Variants in LARGE1 observed in about 807,000 individuals in gnomAD.
LARGE1 encodes the protein xylosyl- and glucuronyltransferase LARGE1.
A neutral mutation model predicts 87.6 loss-of-function variants in LARGE1; 43 were observed. The observed-to-expected ratio is 0.49, with a 90% CI of 0.38 to 0.63. LARGE1 has a LOEUF of 0.63. Ranked by LOEUF, LARGE1 falls within the 30% of genes least tolerant of loss-of-function variation. The pLI is 0.00. For missense variants in LARGE1, 802 were observed against 1,000.2 expected, an observed-to-expected ratio of 0.80 and a Z score of 2.67; for synonymous variants, 434 against 394.6, an observed-to-expected ratio of 1.10 and a Z score of -1.18.
chr22:33,172,897 A>G (rs1035073276), intron 11 of LARGE1, among the ~76,000 whole-genome samples: 14 of 152,238 alleles, frequency 9.2e-5, no homozygotes, highest in African/African-American at 3.1e-4. Flanking sequence ...TGTGCCTGAA[A>G]GTGACAGGGA....
intron 2 of LARGE1, among the ~76,000 whole-genome samples, chr22:33,731,175 T>C (rs1480557589): frequency 1.3e-5 from 2 of 151,766 alleles, no homozygotes; most frequent in Non-Finnish European, 2.9e-5. Flanking sequence ...GGCTAATTTT[T>C]TGTATTTTCA....
intron 1 of LARGE1, among the ~76,000 whole-genome samples, chr22:33,876,979 C>A (rs539209467): frequency 1.3e-5 from 2 of 152,046 alleles, no homozygotes; most frequent in Non-Finnish European, 2.9e-5. Context: ...GCCCCCTTCA[C>A]CCAGGGCTGT....
intron 6 of LARGE1, among the ~76,000 whole-genome samples, chr22:33,553,460 G>A (rs2077587474): frequency 1.7e-5 from 2 of 119,076 alleles, no homozygotes; most frequent in African/African-American, 5.7e-5. Flanking sequence ...AGGTGGCAAT[G>A]AGCTATGATC....
chr22:33,886,705 G>C (rs979970680), intron 1 of LARGE1, among the ~76,000 whole-genome samples: 1 of 149,230 alleles, frequency 6.7e-6, no homozygotes, highest in African/African-American at 2.5e-5. Flanking sequence ...GAGGGAAGGA[G>C]GGAGGGAGGG....
At chr22:33,191,299 C>T (rs1923764040) in intron 11 of LARGE1, among the ~76,000 whole-genome samples, 1 of 152,164 alleles carries the variant, frequency 6.6e-6, no homozygotes, top group South Asian at 2.1e-4. Flanking sequence ...ATTTAAACAG[C>T]AGTTCCTAAA....
intron 1 of LARGE1, among the ~76,000 whole-genome samples, chr22:33,860,039 T>G (rs2063867701): frequency 6.6e-6 from 1 of 152,192 alleles, no homozygotes. Context: ...TTCTGGAGAT[T>G]GGCTGCACGA....
the LARGE1 span, among the ~76,000 whole-genome samples, chr22:33,113,873 CTT>C: frequency 8.8e-4 from 123 of 140,334 alleles, no homozygotes; most frequent in Middle Eastern, 3.7e-3. Context: ...TAGGGATTTT[CTT>C]TTTTTTTTTT....
In LARGE1 at chr22:33,650,566, C is replaced by T. The variant is rs748600555; in HGVS notation, c.209G>A (p.Arg70His). 5 of 1,607,816 alleles carry T rather than the reference C, an allele frequency of 3.1e-6. No homozygotes were observed. In the South Asian group the frequency reaches 4.4e-5, roughly 14 times the overall value. Reference protein sequence around the residue: ...RERESLEVRMREVEEENRALR... With the variant: ...RERESLEVRMHEVEEENRALR... The stretch of plus-strand genomic sequence containing the variant: ...GGCGCGGTTCTCCTCCTCCACCTCG[C>T]GCATGCGCACCTCCAGGCTCTCGCG... The change falls in exon 3 of 15, where the codon CGC becomes CAC. Residue 70 changes from arginine to histidine, a missense_variant. Transcript: ENST00000397394.
At chr22:33,282,999 C>T (rs1930753059) in intron 13 of LARGE1, among the ~76,000 whole-genome samples, 1 of 152,164 alleles carries the variant, frequency 6.6e-6, no homozygotes, top group African/African-American at 2.4e-5. Flanking sequence ...GTCATCCATG[C>T]ACAAAAAAGT....
intron 7 of LARGE1, among the ~76,000 whole-genome samples, chr22:33,422,797 A>G (rs184277563): frequency 1.6e-3 from 247 of 152,068 alleles, no homozygotes; most frequent in Middle Eastern, 3.4e-3. Context: ...ATCTCATGAG[A>G]ACTCACTCAC....
chr22:33,269,903 G>A (rs1298406912), downstream of LARGE1, among the ~76,000 whole-genome samples: 1 of 151,824 alleles, frequency 6.6e-6, no homozygotes. Context: ...TACTCGGGAG[G>A]CTGAGGCAGG....
At chr22:33,444,416 G>C (rs564395128) in intron 6 of LARGE1, among the ~76,000 whole-genome samples, 1 of 151,976 alleles carries the variant, frequency 6.6e-6, no homozygotes, top group Non-Finnish European at 1.5e-5. Flanking sequence ...TTTTGAGATG[G>C]AGTCTTGCTC....
intron 10 of LARGE1, among the ~76,000 whole-genome samples, chr22:33,316,848 A>G (rs1310348029): frequency 2.0e-5 from 3 of 152,194 alleles, no homozygotes; most frequent in African/African-American, 7.2e-5. Context: ...AAAACATATA[A>G]CCAACCATAA....
chr22:33,918,460 A>G (rs8139076), intron 1 of LARGE1, among the ~76,000 whole-genome samples: 9,796 of 152,286 alleles, frequency 0.064, 377 homozygotes, highest in African/African-American at 0.099. Context: ...TGGAATTAAC[A>G]GGGACAGGCT....
At chr22:33,885,875 T>C (rs1478233541) in intron 1 of LARGE1, among the ~76,000 whole-genome samples, 1 of 151,766 alleles carries the variant, frequency 6.6e-6, no homozygotes. Context: ...TACCAAAAAA[T>C]ACAAAAATTA....
intron 2 of LARGE1, among the ~76,000 whole-genome samples, chr22:33,658,123 G>A (rs2081021781): frequency 6.6e-6 from 1 of 152,122 alleles, no homozygotes; most frequent in Non-Finnish European, 1.5e-5. Flanking sequence ...GGTTGCGGTT[G>A]TTGTTTCTGC....
chr22:33,679,467 C>T lies in LARGE1; in HGVS notation c.107-28799G>A, dbSNP rs995750756. Among the ~76,000 whole-genome samples, 7 of 150,620 alleles carry T rather than the reference C, an allele frequency of 4.6e-5. No homozygotes were observed. In the South Asian group the frequency reaches 1.0e-3, roughly 22 times the overall value. On this transcript the variant is annotated intron_variant, in intron 2 of 14. Coordinates refer to ENST00000397394, the MANE Select transcript of LARGE1 (RefSeq NM_133642.5). ...GGAAATTTGGGGACAGACACACACACGCACACACACACACACACACACACG... is the reference window on the plus strand; with the variant it reads ...GGAAATTTGGGGACAGACACACACATGCACACACACACACACACACACACG...
intron 7 of LARGE1, among the ~76,000 whole-genome samples, chr22:33,413,413 C>T (rs1317187705): frequency 6.6e-6 from 1 of 151,968 alleles, no homozygotes; most frequent in Non-Finnish European, 1.5e-5. Context: ...CCTACCTCTC[C>T]CCCGAAACAC....
At chr22:33,921,071 G>A (rs1301370690), upstream of LARGE1, among the ~76,000 whole-genome samples, 1 of 150,480 alleles carries the variant, frequency 6.6e-6, no homozygotes, top group Admixed American at 6.6e-5. This position sits in a 1 kb window ranked among gnomAD's most constrained non-coding sequence, Gnocchi z 4.1. Flanking sequence ...GGTTCCGAGC[G>A]GGGGCGGGGC....
Sources: allele counts gnomAD v4.1 joint callset (sites outside exome capture counted in the v4.1 genomes callset), GRCh38; gene constraint gnomAD v4.1.1; non-coding constraint Gnocchi (gnomAD v3.1); transcripts MANE v1.5; gene names NCBI Gene and HGNC (gene_info 2026-07-23, HGNC 2026-07-21).